The following ZDHHC21 variants were observed in gnomAD, a reference collection of about 807,000 sequenced individuals.
The protein encoded by ZDHHC21 is zDHHC palmitoyltransferase 21.
A neutral mutation model predicts 34.6 loss-of-function variants in ZDHHC21; 15 were observed. That is an observed-to-expected ratio of 0.43 (90% confidence interval 0.29 to 0.67). The LOEUF (loss-of-function observed/expected upper bound fraction) is 0.67, where lower values mean the gene tolerates loss of function less well. Among genes scored for constraint, ZDHHC21 ranks in the 30% least tolerant of loss-of-function variants. The pLI, the probability that ZDHHC21 is intolerant of heterozygous loss-of-function variation, is 0.14. For missense variants in ZDHHC21, 344 were observed against 327.7 expected (o/e 1.05, Z -0.38); for synonymous variants, 142 against 101.8 (o/e 1.40, Z -2.38).
chr9:14,651,696 T>C (rs1831270102), intron 7 of ZDHHC21, among the ~76,000 whole-genome samples: 1 of 152,000 alleles, frequency 6.6e-6, no homozygotes, highest in South Asian at 2.1e-4. Flanking sequence ...GGTACTTTCC[T>C]TCATATTTAA....
intron 8 of ZDHHC21, among the ~76,000 whole-genome samples, chr9:14,630,926 G>A (rs937049099): frequency 6.6e-6 from 1 of 152,154 alleles, no homozygotes; most frequent in Non-Finnish European, 1.5e-5. Context: ...CCATTTCTAG[G>A]GCAAAGGCAG....
chr9:14,693,005 G>A (rs1417355288), intron 1 of ZDHHC21, among the ~76,000 whole-genome samples: 3 of 151,940 alleles, frequency 2.0e-5, no homozygotes, highest in Non-Finnish European at 4.4e-5. Flanking sequence ...TCTAGCAGAA[G>A]ACGCTCTGAA....
rs1373260839 is a variant in ZDHHC21 at position 14,618,399 on chromosome 9, T to C, written c.*567A>G. The stretch of plus-strand genomic sequence containing the variant: ...GAAGAAAACGTAAGCAAGCCACTCC[T>C]AAGAAACCAATGCCCGTTTTGTGTT... On this transcript the variant is annotated 3_prime_UTR_variant, in exon 10 of 10. Coordinates refer to ENST00000380916, the MANE Select transcript of ZDHHC21 (RefSeq NM_178566.6). 2 of 152,570 alleles carry C rather than the reference T, an allele frequency of 1.3e-5. No homozygotes were observed. Among genetic ancestry groups the C allele is most frequent in the Non-Finnish European group, 2.9e-5 (2 of 67,990 alleles). 9.5% of individuals were successfully genotyped at this position (152,570 alleles called of 1,614,324 possible).
At chr9:14,650,073 G>A (rs1587126995) in intron 7 of ZDHHC21, among the ~76,000 whole-genome samples, 1 of 151,994 alleles carries the variant, frequency 6.6e-6, no homozygotes, top group East Asian at 1.9e-4. Flanking sequence ...CATGTTTAAT[G>A]AGGACATATA....
chr9:14,657,520 G>C (rs1372217302), intron 7 of ZDHHC21, among the ~76,000 whole-genome samples: 1 of 149,564 alleles, frequency 6.7e-6, no homozygotes, highest in Non-Finnish European at 1.5e-5. Context: ...TACTGTAAAA[G>C]AGCCAGACAG....
chr9:14,641,023 G>A (rs1294541636), intron 7 of ZDHHC21, among the ~76,000 whole-genome samples: 1 of 152,118 alleles, frequency 6.6e-6, no homozygotes, highest in Non-Finnish European at 1.5e-5. Flanking sequence ...GCACCAAGTG[G>A]ATGGAAAGGA....
chr9:14,671,905 ATTTTG>A (rs1185504974), intron 5 of ZDHHC21, among the ~76,000 whole-genome samples: 1 of 152,152 alleles, frequency 6.6e-6, no homozygotes, highest in Non-Finnish European at 1.5e-5. Flanking sequence ...GAAGGTGTTC[ATTTTG>A]TTTTATTTCA....
chr9:14,641,863 C>G (rs1209864116), intron 7 of ZDHHC21, among the ~76,000 whole-genome samples: 1 of 152,100 alleles, frequency 6.6e-6, no homozygotes, highest in Non-Finnish European at 1.5e-5. Context: ...TATTCCTATC[C>G]TTTTAAGTGT....
chr9:14,601,526 G>C, the ZDHHC21 span, among the ~76,000 whole-genome samples: 2 of 152,142 alleles, frequency 1.3e-5, no homozygotes, highest in Non-Finnish European at 2.9e-5. Context: ...GGAAAAACAG[G>C]AACACTTTTA....
intron 1 of ZDHHC21, among the ~76,000 whole-genome samples, chr9:14,691,770 C>T (rs993392509): frequency 2.0e-5 from 3 of 152,154 alleles, no homozygotes; most frequent in Non-Finnish European, 4.4e-5. Flanking sequence ...TGGAAGAGTA[C>T]TACACCAAAA....
At chr9:14,630,074 A>T (rs917070834) in intron 8 of ZDHHC21, among the ~76,000 whole-genome samples, 3 of 152,158 alleles carry the variant, frequency 2.0e-5, no homozygotes, top group Admixed American at 6.5e-5. Context: ...AAAAACCAAT[A>T]AAGTCTGCTG....
chr9:14,685,721 T>A (rs1427178804), intron 2 of ZDHHC21, among the ~76,000 whole-genome samples: 1 of 152,198 alleles, frequency 6.6e-6, no homozygotes, highest in Non-Finnish European at 1.5e-5. Flanking sequence ...CCCAAAGGAT[T>A]ACAAATCATG....
intron 2 of ZDHHC21, among the ~76,000 whole-genome samples, chr9:14,686,838 T>G (rs1315996718): frequency 6.7e-6 from 1 of 150,078 alleles, no homozygotes. Context: ...CTGGGCGTGG[T>G]GGTGTGTGCC....
chr9:14,623,955 G>T (rs1222767795), intron 8 of ZDHHC21, among the ~76,000 whole-genome samples: 2 of 152,024 alleles, frequency 1.3e-5, no homozygotes, highest in Admixed American at 1.3e-4. Flanking sequence ...AAACAGTATG[G>T]AGGCACCTCA....
At chr9:14,651,204 T>C (rs867660197) in intron 7 of ZDHHC21, among the ~76,000 whole-genome samples, 3 of 152,048 alleles carry the variant, frequency 2.0e-5, no homozygotes, top group Middle Eastern at 3.4e-3. Flanking sequence ...TATAACAGAC[T>C]GCCTCAATGA....
intron 7 of ZDHHC21, among the ~76,000 whole-genome samples, chr9:14,651,789 A>G (rs1261565869): frequency 2.0e-5 from 3 of 151,954 alleles, no homozygotes; most frequent in Non-Finnish European, 2.9e-5. Context: ...CCAAATGACT[A>G]GGCATCTGCT....
In ZDHHC21 at chr9:14,618,942, C is replaced by T. The variant is rs191671017; in HGVS notation, c.*24G>A. 424 of 1,572,620 alleles carry T rather than the reference C, an allele frequency of 2.7e-4. No individual in the cohort carries two copies. Among genetic ancestry groups the T allele is most frequent in the Non-Finnish European group, 3.5e-4 (403 of 1,158,894 alleles). ...TAACGCATTGCCAGCATGGAGGACCCATCTGTGCCCACCATCCATCTGTTT... is the reference window on the plus strand; with the variant it reads ...TAACGCATTGCCAGCATGGAGGACCTATCTGTGCCCACCATCCATCTGTTT... On this transcript the variant is annotated 3_prime_UTR_variant, in exon 10 of 10. Transcript: ENST00000380916.
At chr9:14,625,878 T>C (rs756358002) in intron 8 of ZDHHC21, among the ~76,000 whole-genome samples, 5 of 151,946 alleles carry the variant, frequency 3.3e-5, no homozygotes, top group Admixed American at 6.6e-5. Context: ...TATCCATCTA[T>C]CAAAAATTTA....
chr9:14,679,710 T>C (rs1000804720), intron 3 of ZDHHC21, among the ~76,000 whole-genome samples: 1 of 152,162 alleles, frequency 6.6e-6, no homozygotes, highest in Non-Finnish European at 1.5e-5. Context: ...TTTGTCACTA[T>C]ATATTATCCT....
Sources: allele counts gnomAD v4.1 joint callset (sites outside exome capture counted in the v4.1 genomes callset), GRCh38; gene constraint gnomAD v4.1.1; transcripts MANE v1.5; gene names NCBI Gene and HGNC (gene_info 2026-07-23, HGNC 2026-07-21).